MUTYH: variants seen among roughly 807,000 people sequenced by gnomAD.
MUTYH encodes mutY DNA glycosylase.
Under a neutral mutation model 72.9 loss-of-function variants are expected in MUTYH, and 64 were observed. The observed-to-expected ratio is 0.88, with a 90% CI of 0.72 to 1.08. MUTYH has a LOEUF of 1.08. Among genes scored for constraint, MUTYH ranks in the 50% least tolerant of loss-of-function variants. MUTYH has a pLI of 0.00. For synonymous variants in MUTYH, 234 were observed against 263.1 expected (o/e 0.89, Z 1.07); for missense variants, 633 against 671.0 (o/e 0.94, Z 0.63).
At chr1:45,338,275 G>T (rs1646248282) in intron 1 of MUTYH, 7 of 533,188 alleles carry the variant, frequency 1.3e-5, no homozygotes, top group South Asian at 7.7e-5. Context: ...AGTGATCCGG[G>T]CACCATCCGC....
At chr1:45,329,533 TCTAG>T in intron 15 of MUTYH, 96 bp from the exon 16 acceptor site, 3 of 1,508,188 alleles carry the variant, frequency 2.0e-6, no homozygotes, top group Non-Finnish European at 1.8e-6. Context: ...ACTCTACTGA[TCTAG>T]CTAGGCTTAG....
upstream of MUTYH, chr1:45,340,182 G>A (rs1646798945): frequency 6.2e-7 from 1 of 1,612,592 alleles, no homozygotes; most frequent in Non-Finnish European, 8.5e-7. Flanking sequence ...CCGACTGCCT[G>A]AACCGCGCCA....
rs1003387951 is a variant in MUTYH, at chr1:45,333,329, C to T, written c.265-5G>A. The stretch of plus-strand genomic sequence containing the variant: ...CAGGTCCATCTCATCTTCTGCCTGT[C>T]AATGCAACCCCAGATGAGGAGTTAG... On this transcript the variant is annotated splice_polypyrimidine_tract_variant and splice_region_variant and intron_variant, in intron 3 of 15. Transcript: ENST00000456914. 6.2e-7 allele frequency: 1 copy of T among 1,614,232 alleles called. No individual in the cohort carries two copies. Among genetic ancestry groups the T allele is most frequent in the Non-Finnish European group, 8.5e-7 (1 of 1,180,044 alleles).
intron 7 of MUTYH, 35 bp downstream of exon 7, chr1:45,332,728 A>G (rs746911700): frequency 6.2e-7 from 1 of 1,613,364 alleles, no homozygotes. Context: ...GACACCCAAG[A>G]CTCCTGGGTT....
chr1:45,338,521 C>T (rs1646306008), intron 1 of MUTYH: 1 of 325,716 alleles, frequency 3.1e-6, no homozygotes, highest in Non-Finnish European at 6.1e-6. Flanking sequence ...TGTAATTTTA[C>T]ATTACTTTGA....
Position 45,333,443 on chromosome 1 carries a change from T to G in MUTYH, c.234A>C (p.Gln78His), listed in dbSNP as rs2149172789. Residue 78 changes from glutamine (Q) to histidine (H), a missense_variant, in exon 3 of 16, where the codon CAA becomes CAC. Physicochemically the swap from Gln to His is conservative, Grantham distance 24. Transcript: ENST00000456914. Reference protein sequence around the residue: ...FRGSLLSWYDQEKRDLPWRRR... With the variant: ...FRGSLLSWYDHEKRDLPWRRR... ...TTCTCCATGGTAGGTCCCGTTTCTC[T>G]TGGTCGTACCAGCTTAGCAGGCTCC... The G allele has an allele frequency of 6.2e-7, 1 of 1,614,248 alleles. No homozygotes were observed. Among genetic ancestry groups the G allele is most frequent in the Non-Finnish European group, 8.5e-7 (1 of 1,180,030 alleles).
chr1:45,333,261 C>T (rs2149168501), intron 4 of MUTYH, 24 bp downstream of exon 4: 1 of 1,614,190 alleles, frequency 6.2e-7, no homozygotes, highest in Non-Finnish European at 8.5e-7. Context: ...GCAAAGTGGC[C>T]CTGCTCTCAG....
At position 45,330,962 on chromosome 1, in the gene MUTYH, G is replaced by C. The variant is rs564365133; in HGVS notation, c.1392+220C>G. Among the ~76,000 whole-genome samples the C allele has an allele frequency of 1.3e-3, 192 of 152,018 alleles. 2 individuals are homozygous for C. Among genetic ancestry groups the C allele is most frequent in the African/African-American group, 4.5e-3 (186 of 41,300 alleles). ...TAGCCAGGCATGGTGGCGGGCGCCT[G>C]TAATCCGAGCTACTCAGGAAGCTGA... On this transcript the variant is annotated intron_variant, in intron 14 of 15. Coordinates refer to ENST00000456914, the MANE Select transcript of MUTYH (RefSeq NM_001048174.2).
At position 45,332,743 on chromosome 1, in the gene MUTYH, C is replaced by T. The variant is rs776504435; in HGVS notation, c.492+20G>A. Reference sequence around the variant, plus strand: ...GACACCCAAGACTCCTGGGTTCCTACCCTCCTGCCATCCCCTTACCTTCCG... The same window carrying T: ...GACACCCAAGACTCCTGGGTTCCTATCCTCCTGCCATCCCCTTACCTTCCG... On this transcript the variant is annotated intron_variant, in intron 7 of 15. Transcript: ENST00000456914. The T allele has an allele frequency of 1.9e-5, 31 of 1,614,004 alleles. No individual in the cohort carries two copies. Among genetic ancestry groups the T allele is most frequent in the Admixed American group, 1.7e-5 (1 of 60,006 alleles).
At position 45,336,513 on chromosome 1, in the gene MUTYH, A is replaced by G. The variant is rs182792685; in HGVS notation, c.-6-2002T>C. Among the ~76,000 whole-genome samples the G allele has an allele frequency of 3.0e-3, 458 of 152,240 alleles. 2 individuals are homozygous for G. The highest frequency in any genetic ancestry group is 0.012 in the Admixed American group (185 of 15,290). ...ATTTGTTTCTGCCCCACGCTAACTG[A>G]TCAATGTACTTGGTAATCTCCCCCC... On this transcript the variant is annotated intron_variant, in intron 1 of 15. Transcript: ENST00000456914.
chr1:45,330,490 G>A (rs150052603), intron 15 of MUTYH, 26 bp downstream of exon 15: 27 of 1,603,762 alleles, frequency 1.7e-5, no homozygotes, highest in African/African-American at 1.1e-4. Context: ...GGGGAGACAC[G>A]GTTGGGAGAG....
chr1:45,332,394 A>AGCTGCTGGGAAACAAGGGT lies in MUTYH; in HGVS notation c.682_700dup (p.Leu234HisfsTer73). 6.2e-7 allele frequency: 1 copy of AGCTGCTGGGAAACAAGGGT among 1,614,088 alleles called. No homozygotes were observed. The highest frequency in any genetic ancestry group is 8.5e-7 in the Non-Finnish European group (1 of 1,180,006). ...CCTTGTTACCCCAACATCCTACCAG[A>AGCTGCTGGGAAACAAGGGT]GCTGCTGGGAAACAAGGGTGCTGCT... On this transcript the variant is annotated frameshift_variant, in exon 9 of 16. Transcript: ENST00000456914. LOFTEE classifies it high-confidence loss of function.
intron 1 of MUTYH, chr1:45,338,036 T>A: frequency 2.3e-6 from 1 of 441,628 alleles, no homozygotes; most frequent in Non-Finnish European, 4.6e-6. Context: ...GCATTCTAAG[T>A]GAGTGCAAAG....
chr1:45,330,552 G>T lies in MUTYH; in HGVS notation c.1398C>A (p.Phe466Leu). ...CTGGCTGTTGGCCCTGATACACACG[G>T]AAAACCTAGACAAGAAGACAGGGAG... ...AAVSTAMKKV[F>L]RVYQGQQPGT... The change falls in exon 15 of 16, where the codon TTC (phenylalanine) becomes TTA (leucine). Residue 466 changes from phenylalanine to leucine, a missense_variant. Transcript: ENST00000456914. 1 of 1,608,678 alleles carries T rather than the reference G, an allele frequency of 6.2e-7. No individual in the cohort carries two copies. Among genetic ancestry groups the T allele is most frequent in the Middle Eastern group, 1.7e-4 (1 of 6,054 alleles).
At position 45,332,617 on chromosome 1, in the gene MUTYH, C is replaced by G; in HGVS notation, c.563G>C (p.Gly188Ala). ...ETLQQLLPGV[G>A]RYTAGAIASI... ...GGCAATGGCCCCAGCTGTGTAGCGC[C>G]CCACGCCAGGCAGGAGCTGCTGCAG... Residue 188 changes from glycine (G) to alanine (A), a missense_variant, in exon 8 of 16, where the codon GGG becomes GCG. Physicochemically the swap from Gly to Ala is moderately conservative, Grantham distance 60. Coordinates refer to ENST00000456914, the MANE Select transcript of MUTYH (RefSeq NM_001048174.2). 6.2e-7 allele frequency: 1 copy of G among 1,614,130 alleles called. No individual in the cohort carries two copies. The highest frequency in any genetic ancestry group is 8.5e-7 in the Non-Finnish European group (1 of 1,180,010).
intron 2 of MUTYH, 147 bp downstream of exon 2, chr1:45,334,244 C>CT: frequency 8.0e-7 from 1 of 1,256,822 alleles, no homozygotes; most frequent in Non-Finnish European, 1.1e-6. Flanking sequence ...CTGCCTCGGC[C>CT]TCCCAAAGTG....
At chr1:45,334,213 T>G (rs929904384) in intron 2 of MUTYH, 178 bp downstream of exon 2, 4 of 874,282 alleles carry the variant, frequency 4.6e-6, no homozygotes, top group Non-Finnish European at 7.2e-6. Flanking sequence ...GGTCTCAAAC[T>G]CCTGGGCTCA....
At position 45,332,516 on chromosome 1, in the gene MUTYH, C is replaced by T. The variant is rs749405667; in HGVS notation, c.607-28G>A. 1.9e-6 allele frequency: 3 copies of T among 1,614,036 alleles called. No homozygotes were observed. In the South Asian group the frequency reaches 3.3e-5, roughly 18 times the overall value. ...GGCACAGAGGGGCCAAAGAGTTAGC[C>T]TGGGCTGGGAGGAAGGAGGCTGGGC... On this transcript the variant is annotated intron_variant, in intron 8 of 15. Transcript: ENST00000456914.
chr1:45,339,787 T>C (rs925381523), intron 1 of MUTYH, 112 bp downstream of exon 1: 9 of 1,244,278 alleles, frequency 7.2e-6, no homozygotes, highest in Middle Eastern at 2.2e-4. Context: ...AACGCCCTTC[T>C]TTCCCCCACA....
Sources: allele counts gnomAD v4.1 joint callset (sites outside exome capture counted in the v4.1 genomes callset), GRCh38; gene constraint gnomAD v4.1.1; transcripts MANE v1.5; gene names NCBI Gene and HGNC (gene_info 2026-07-23, HGNC 2026-07-21).